ZNF438: variants seen among roughly 807,000 people sequenced by gnomAD.
ZNF438 encodes zinc finger protein 438.
ZNF438 carries 25 observed loss-of-function variants against 38.0 expected under a neutral mutation model. The observed-to-expected ratio is 0.66, with a 90% CI of 0.48 to 0.92. The LOEUF (loss-of-function observed/expected upper bound fraction) is 0.92. Ranked by LOEUF, ZNF438 falls within the 40% of genes least tolerant of loss-of-function variation. The pLI is 0.00. For missense variants in ZNF438, 1,007 were observed against 999.6 expected (o/e 1.01, Z -0.10); for synonymous variants, 372 against 364.1 (o/e 1.02, Z -0.25).
chr10:31,032,374 C>G (rs1005015067), upstream of ZNF438, among the ~76,000 whole-genome samples: 1 of 152,212 alleles, frequency 6.6e-6, no homozygotes, highest in East Asian at 1.9e-4. Context: ...TCCCTCGCTC[C>G]TCCCCGGCTC....
At chr10:31,019,576 G>C (rs1451482512) in intron 1 of ZNF438, among the ~76,000 whole-genome samples, 1 of 151,276 alleles carries the variant, frequency 6.6e-6, no homozygotes, top group Non-Finnish European at 1.5e-5. Context: ...TCCAGTGTAT[G>C]CCAAGAACTG....
chr10:30,886,229 C>T (rs16932040), intron 3 of ZNF438, among the ~76,000 whole-genome samples: 7,864 of 152,182 alleles, frequency 0.052, 666 homozygotes, highest in African/African-American at 0.18. Flanking sequence ...AAAATGCCAC[C>T]TTTTTCTTTT....
chr10:30,986,107 T>G (rs1263551508), intron 1 of ZNF438, among the ~76,000 whole-genome samples: 2 of 152,224 alleles, frequency 1.3e-5, no homozygotes, highest in African/African-American at 4.8e-5. Context: ...ACGTGTATAG[T>G]AAGCTATAGA....
chr10:31,006,384 G>C (rs546006700), intron 1 of ZNF438, among the ~76,000 whole-genome samples: 4,076 of 152,254 alleles, frequency 0.027, 73 homozygotes, highest in Middle Eastern at 0.037. Context: ...AAAGGGCAGG[G>C]TTTGGAGAGC....
At chr10:30,925,322 T>C (rs921450493) in intron 2 of ZNF438, among the ~76,000 whole-genome samples, 2 of 152,200 alleles carry the variant, frequency 1.3e-5, no homozygotes, top group Non-Finnish European at 2.9e-5. Context: ...CTAATTTTAA[T>C]TTCACTGAAT....
chr10:30,881,206 C>A (rs2039204996), intron 3 of ZNF438, among the ~76,000 whole-genome samples: 3 of 152,230 alleles, frequency 2.0e-5, no homozygotes, highest in African/African-American at 7.2e-5. Context: ...TCTTTATCTG[C>A]AGATGACATG....
exon 5 of ZNF438, chr10:30,848,681 A>G: frequency 6.2e-7 from 1 of 1,614,200 alleles, no homozygotes; most frequent in Non-Finnish European, 8.5e-7. Context: ...GTGGCCAAAC[A>G]CTTTTGCACA....
intron 3 of ZNF438, among the ~76,000 whole-genome samples, chr10:30,903,330 C>T (rs889985686): frequency 3.3e-5 from 5 of 152,228 alleles, no homozygotes; most frequent in African/African-American, 9.6e-5. Context: ...CGAGTGAGGG[C>T]TGCCAGCACA....
At chr10:30,987,268 T>C (rs1334022893) in intron 1 of ZNF438, among the ~76,000 whole-genome samples, 1 of 149,942 alleles carries the variant, frequency 6.7e-6, no homozygotes, top group Non-Finnish European at 1.5e-5. Context: ...TGAAGTAAGC[T>C]GTGATCACAC....
chr10:30,864,835 T>C (rs1466994045), intron 4 of ZNF438, among the ~76,000 whole-genome samples: 1 of 152,220 alleles, frequency 6.6e-6, no homozygotes, highest in East Asian at 1.9e-4. Context: ...ACCCCTAGAA[T>C]CCTGAAGTTC....
intron 2 of ZNF438, among the ~76,000 whole-genome samples, chr10:30,912,240 C>T (rs978406032): frequency 6.6e-6 from 1 of 152,142 alleles, no homozygotes; most frequent in Non-Finnish European, 1.5e-5. Context: ...AGCCCCACTA[C>T]ACCACTCCTC....
rs2039585535 is a variant in ZNF438, at chr10:30,883,780, G to A, written c.-31-6715C>T. On this transcript the variant is annotated intron_variant, in intron 3 of 5. Coordinates refer to ENST00000413025, the Ensembl canonical transcript of ZNF438. ...TGCGTATCCATAGTCCAGATACTCT[G>A]GAAGCTGAGGTGGGAGGATCCCTTG... 2.0e-5 allele frequency among the ~76,000 whole-genome samples: 3 copies of A among 152,150 alleles called. No individual in the cohort carries two copies. In the East Asian group the frequency reaches 5.8e-4, roughly 29 times the overall value.
At chr10:30,991,434 TG>T (rs1369809107) in intron 1 of ZNF438, among the ~76,000 whole-genome samples, 3 of 152,156 alleles carry the variant, frequency 2.0e-5, no homozygotes, top group African/African-American at 7.2e-5. Flanking sequence ...AACTTGCTGG[TG>T]GGGCAAAGGT....
intron 1 of ZNF438, among the ~76,000 whole-genome samples, chr10:30,998,126 G>A (rs1465876266): frequency 6.6e-6 from 1 of 152,150 alleles, no homozygotes; most frequent in Admixed American, 6.6e-5. Flanking sequence ...AACTTTGCAT[G>A]TTGGAGATAA....
At chr10:30,863,124 T>C (rs2035860093) in intron 4 of ZNF438, among the ~76,000 whole-genome samples, 1 of 152,222 alleles carries the variant, frequency 6.6e-6, no homozygotes, top group African/African-American at 2.4e-5. Flanking sequence ...TGCACAAGGG[T>C]GGACAGCCAC....
At chr10:30,971,418 T>G (rs2050726617) in intron 1 of ZNF438, among the ~76,000 whole-genome samples, 1 of 152,156 alleles carries the variant, frequency 6.6e-6, no homozygotes, top group African/African-American at 2.4e-5. Flanking sequence ...TATACATATA[T>G]ATGCATAAAA....
At chr10:30,857,854 T>C (rs1054860424) in intron 4 of ZNF438, 21 of 944,724 alleles carry the variant, frequency 2.2e-5, no homozygotes, top group Non-Finnish European at 3.0e-5. Flanking sequence ...GCCAATGTCT[T>C]ACCCAGCTTT....
chr10:30,894,190 G>A (rs1404323718), intron 3 of ZNF438, among the ~76,000 whole-genome samples: 1 of 152,164 alleles, frequency 6.6e-6, no homozygotes, highest in African/African-American at 2.4e-5. Flanking sequence ...CTTCACATGG[G>A]TAGAATAACC....
At chr10:30,863,390 T>C (rs1391180126) in intron 4 of ZNF438, among the ~76,000 whole-genome samples, 1 of 152,194 alleles carries the variant, frequency 6.6e-6, no homozygotes, top group East Asian at 1.9e-4. Context: ...GTCTATGAGT[T>C]AGCTGGCATC....
Sources: allele counts gnomAD v4.1 joint callset (sites outside exome capture counted in the v4.1 genomes callset), GRCh38; gene constraint gnomAD v4.1.1; transcripts MANE v1.5; gene names NCBI Gene and HGNC (gene_info 2026-07-23, HGNC 2026-07-21).